Variants in PRKN observed in about 807,000 individuals in gnomAD.
PRKN encodes parkin RBR E3 ubiquitin protein ligase, also known as E3 ubiquitin-protein ligase parkin.
A neutral mutation model predicts 59.5 loss-of-function variants in PRKN; 56 were observed. The observed-to-expected ratio is 0.94, with a 90% CI of 0.76 to 1.18. The LOEUF is 1.18. Among genes scored for constraint, PRKN ranks in the 50% most tolerant of loss-of-function variants. The probability of loss-of-function intolerance (pLI) is 0.00; values close to 1 mark genes in which losing one functional copy is unlikely to be tolerated. For synonymous variants in PRKN, 250 were observed against 222.1 expected (o/e 1.13, Z -1.12); for missense variants, 657 against 596.4 (o/e 1.10, Z -1.06).
At chr6:161,914,565 A>T (rs1778484366) in intron 6 of PRKN, among the ~76,000 whole-genome samples, 1 of 152,098 alleles carries the variant, frequency 6.6e-6, no homozygotes, top group Admixed American at 6.6e-5. Flanking sequence ...AAAGAAAAAA[A>T]AATTGTGAAA....
chr6:161,718,021 C>T (rs1007062780), intron 7 of PRKN, among the ~76,000 whole-genome samples: 3 of 152,158 alleles, frequency 2.0e-5, no homozygotes, highest in Non-Finnish European at 2.9e-5. Context: ...ACACATCGAC[C>T]AGAGCTAGCT....
chr6:161,482,162 G>A (rs1319869000), intron 9 of PRKN, among the ~76,000 whole-genome samples: 1 of 152,082 alleles, frequency 6.6e-6, no homozygotes, highest in Non-Finnish European at 1.5e-5. Context: ...TATTCAAATA[G>A]ATAACATAAA....
In PRKN at chr6:161,598,717, C is replaced by A. The variant is rs116233569; in HGVS notation, c.872-29301G>T. Reference sequence around the variant, plus strand: ...ACAGGATATTTAACAATATATGTTACGAAAGTATGTACAGCAGATAGATTA... The same window carrying A: ...ACAGGATATTTAACAATATATGTTAAGAAAGTATGTACAGCAGATAGATTA... On this transcript the variant is annotated intron_variant, in intron 7 of 11. Coordinates refer to ENST00000366898, the MANE Select transcript of PRKN (RefSeq NM_004562.3). 9.1e-3 allele frequency among the ~76,000 whole-genome samples: 1,382 copies of A among 152,242 alleles called. 16 individuals carry two copies. Among genetic ancestry groups the A allele is most frequent in the African/African-American group, 0.03 (1,255 of 41,542 alleles).
At chr6:161,849,677 A>C (rs1045734247) in intron 6 of PRKN, among the ~76,000 whole-genome samples, 1 of 152,228 alleles carries the variant, frequency 6.6e-6, no homozygotes, top group African/African-American at 2.4e-5. Flanking sequence ...AAAACTCTTC[A>C]GTCGTCTGCT....
Position 161,548,560 on chromosome 6 carries a change from C to T in PRKN, c.1083+294G>A, listed in dbSNP as rs942696488. ...ATTTTTGCTCTGCATCAGCTGAGTG[C>T]TGGGAGAAAAGTTTAAAAGTCTGGC... On this transcript the variant is annotated intron_variant, in intron 9 of 11. Transcript: ENST00000366898. The surrounding 1 kb of genome is among the most constrained non-coding windows in gnomAD (Gnocchi z 4.2). Among the ~76,000 whole-genome samples the T allele has an allele frequency of 6.6e-6, 1 of 152,132 alleles. No homozygotes were observed. Among genetic ancestry groups the T allele is most frequent in the South Asian group, 2.1e-4 (1 of 4,822 alleles).
At chr6:162,305,309 TTAA>T (rs1179790568) in intron 2 of PRKN, among the ~76,000 whole-genome samples, 2 of 152,298 alleles carry the variant, frequency 1.3e-5, no homozygotes, top group East Asian at 1.9e-4. Context: ...CCTCGAAAAG[TTAA>T]TATTATGATA....
At chr6:162,468,069 A>G (rs1010492612) in intron 1 of PRKN, among the ~76,000 whole-genome samples, 1 of 152,104 alleles carries the variant, frequency 6.6e-6, no homozygotes, top group African/African-American at 2.4e-5. Flanking sequence ...GGTTCTTATC[A>G]CCACTTTGTT....
intron 4 of PRKN, among the ~76,000 whole-genome samples, chr6:162,070,698 A>C (rs957976519): frequency 6.6e-6 from 1 of 152,188 alleles, no homozygotes; most frequent in Non-Finnish European, 1.5e-5. Flanking sequence ...ATCATCAAGC[A>C]TTAGATTCTC....
intron 1 of PRKN, among the ~76,000 whole-genome samples, chr6:162,566,335 A>G (rs1048925172): frequency 6.6e-6 from 1 of 152,192 alleles, no homozygotes; most frequent in African/African-American, 2.4e-5. Flanking sequence ...CAAAAGATCA[A>G]TAAAACAAAA....
intron 3 of PRKN, among the ~76,000 whole-genome samples, chr6:162,255,827 C>T (rs897827123): frequency 1.4e-4 from 21 of 152,114 alleles, no homozygotes; most frequent in Non-Finnish European, 2.9e-4. Context: ...GTATTCAGTG[C>T]GTAGTATATA....
At chr6:162,348,239 G>A (rs766963988) in intron 2 of PRKN, among the ~76,000 whole-genome samples, 3 of 152,144 alleles carry the variant, frequency 2.0e-5, no homozygotes. Context: ...CCTCTGGTGG[G>A]CAACAGTAAG....
At chr6:162,003,444 G>A (rs78516550) in intron 5 of PRKN, among the ~76,000 whole-genome samples, 1,936 of 152,162 alleles carry the variant, frequency 0.013, 40 homozygotes, top group African/African-American at 0.044. Context: ...AGGTTCTCAG[G>A]AACACCTGCT....
At chr6:161,848,904 G>C (rs1266563923) in intron 6 of PRKN, among the ~76,000 whole-genome samples, 1 of 152,206 alleles carries the variant, frequency 6.6e-6, no homozygotes, top group Non-Finnish European at 1.5e-5. Context: ...TTTGGGCATG[G>C]ACAAGACCCA....
intron 1 of PRKN, among the ~76,000 whole-genome samples, chr6:162,563,994 A>C (rs1779956700): frequency 6.7e-6 from 1 of 150,010 alleles, no homozygotes; most frequent in African/African-American, 2.4e-5. Flanking sequence ...AAAAAAAAAA[A>C]CCACAATAAA....
intron 2 of PRKN, among the ~76,000 whole-genome samples, chr6:162,340,248 C>G (rs1244671262): frequency 6.6e-6 from 1 of 152,014 alleles, no homozygotes; most frequent in African/African-American, 2.4e-5. Flanking sequence ...CCCAATTACT[C>G]AGTTTCTCTA....
At chr6:161,553,214 G>T (rs767541758) in intron 8 of PRKN, among the ~76,000 whole-genome samples, 1 of 151,288 alleles carries the variant, frequency 6.6e-6, no homozygotes, top group Non-Finnish European at 1.5e-5. Context: ...GTGACCTACA[G>T]AGTTTCCCAG....
intron 7 of PRKN, among the ~76,000 whole-genome samples, chr6:161,688,751 T>G (rs537879708): frequency 5.9e-5 from 9 of 152,246 alleles, no homozygotes; most frequent in African/African-American, 2.2e-4. Flanking sequence ...CACCACTCAG[T>G]GAAGGTCCAT....
intron 2 of PRKN, among the ~76,000 whole-genome samples, chr6:162,436,902 G>A (rs1426854641): frequency 2.0e-5 from 3 of 151,696 alleles, no homozygotes; most frequent in African/African-American, 7.3e-5. Context: ...GACCAGCCTG[G>A]CCAACATGGT....
intron 3 of PRKN, among the ~76,000 whole-genome samples, chr6:162,235,368 G>A (rs761297798): frequency 1.3e-5 from 2 of 152,126 alleles, no homozygotes; most frequent in Non-Finnish European, 2.9e-5. Flanking sequence ...TATCATAAAT[G>A]AGTCTTACGA....
Sources: allele counts gnomAD v4.1 joint callset (sites outside exome capture counted in the v4.1 genomes callset), GRCh38; gene constraint gnomAD v4.1.1; non-coding constraint Gnocchi (gnomAD v3.1); transcripts MANE v1.5; gene names NCBI Gene and HGNC (gene_info 2026-07-23, HGNC 2026-07-21).